The following GFRA1 variants were observed in gnomAD, a reference collection of about 807,000 sequenced individuals.
GFRA1 encodes GDNF family receptor alpha-1.
GFRA1 carries 16 observed loss-of-function variants against 51.6 expected under a neutral mutation model. The observed-to-expected ratio is 0.31, with a 90% CI of 0.21 to 0.47. The LOEUF (loss-of-function observed/expected upper bound fraction) is 0.47. Ranked by LOEUF, GFRA1 falls within the 20% of genes least tolerant of loss-of-function variation. The pLI, the probability that GFRA1 is intolerant of heterozygous loss-of-function variation, is 1.00. For synonymous variants in GFRA1, 270 were observed against 241.3 expected (o/e 1.12, Z -1.10); for missense variants, 530 against 594.3 (o/e 0.89, Z 1.13).
At chr10:116,262,930 T>C (rs1013724936) in intron 4 of GFRA1, among the ~76,000 whole-genome samples, 7 of 152,094 alleles carry the variant, frequency 4.6e-5, no homozygotes, top group Non-Finnish European at 7.3e-5. Flanking sequence ...CAAGAATCCT[T>C]AAGCACAGGA....
intron 5 of GFRA1, among the ~76,000 whole-genome samples, chr10:116,172,545 G>A (rs1961135368): frequency 6.6e-6 from 1 of 152,170 alleles, no homozygotes. Context: ...CGGCACTTGA[G>A]TCCCTTCTTG....
At position 116,065,560 on chromosome 10, in the gene GFRA1, G is replaced by C. The variant is rs758060117; in HGVS notation, c.1251+13C>G. 4 of 1,608,010 alleles carry C rather than the reference G, an allele frequency of 2.5e-6. No homozygotes were observed. Among genetic ancestry groups the C allele is most frequent in the Non-Finnish European group, 3.4e-6 (4 of 1,174,554 alleles). On this transcript the variant is annotated intron_variant, in intron 10 of 10. Coordinates refer to ENST00000355422, the MANE Select transcript of GFRA1 (RefSeq NM_005264.8). ...CTATAAATGCACGAAGCCTCCAAAA[G>C]AAACATACTTACATTGGAAATACAG...
chr10:116,109,898 C>T (rs908465501), intron 6 of GFRA1, among the ~76,000 whole-genome samples: 3 of 152,142 alleles, frequency 2.0e-5, no homozygotes, highest in Admixed American at 2.0e-4. Context: ...CTCAGTCTCC[C>T]CCTGTATAAA....
intron 4 of GFRA1, among the ~76,000 whole-genome samples, chr10:116,246,404 C>G (rs1024392780): frequency 2.0e-5 from 3 of 152,142 alleles, no homozygotes; most frequent in African/African-American, 7.2e-5. Context: ...GCACTCCAGC[C>G]TGGGCAACAA....
chr10:116,226,841 A>G, intron 4 of GFRA1: 1 of 343,876 alleles, frequency 2.9e-6, no homozygotes, highest in South Asian at 2.4e-5. Context: ...CAGGTATTAG[A>G]TTCTCATAAG....
intron 5 of GFRA1, among the ~76,000 whole-genome samples, chr10:116,195,664 G>C (rs1441614114): frequency 1.3e-5 from 2 of 152,176 alleles, no homozygotes; most frequent in African/African-American, 2.4e-5. Flanking sequence ...ACCAGTACCA[G>C]TCCATGGCCC....
chr10:116,085,882 C>A (rs1211905116), intron 9 of GFRA1, among the ~76,000 whole-genome samples: 1 of 152,210 alleles, frequency 6.6e-6, no homozygotes. Context: ...TTATTTGCAT[C>A]AGTGAACCTC....
At chr10:116,182,992 G>C (rs966035971) in intron 5 of GFRA1, among the ~76,000 whole-genome samples, 15 of 152,194 alleles carry the variant, frequency 9.9e-5, no homozygotes, top group Admixed American at 8.5e-4. Context: ...TGGAATCAAG[G>C]CTACCCAAGG....
chr10:116,212,500 A>C (rs1450395566), intron 4 of GFRA1, among the ~76,000 whole-genome samples: 1 of 150,550 alleles, frequency 6.6e-6, no homozygotes, highest in Non-Finnish European at 1.5e-5. Flanking sequence ...AGCCTGGGCA[A>C]CAAGAGCAAA....
intron 6 of GFRA1, 131 bp downstream of exon 6, chr10:116,125,090 A>G (rs1565593147): frequency 1.2e-6 from 1 of 804,030 alleles, no homozygotes; most frequent in South Asian, 1.5e-5. Context: ...TTGCCAATCC[A>G]TTCAAATGGA....
chr10:116,120,225 T>C (rs1957587464), intron 6 of GFRA1, among the ~76,000 whole-genome samples: 1 of 152,180 alleles, frequency 6.6e-6, no homozygotes, highest in Non-Finnish European at 1.5e-5. Flanking sequence ...AATTTCCTTT[T>C]GAGGTTCAGC....
chr10:116,069,042 C>A (rs1042771213), intron 9 of GFRA1, among the ~76,000 whole-genome samples: 8 of 152,138 alleles, frequency 5.3e-5, no homozygotes, highest in African/African-American at 1.9e-4. Flanking sequence ...GAAGGGCTGG[C>A]ACAGTGTTCA....
intron 4 of GFRA1, among the ~76,000 whole-genome samples, chr10:116,215,023 T>C (rs558238591): frequency 1.3e-5 from 2 of 152,364 alleles, no homozygotes; most frequent in South Asian, 4.1e-4. Flanking sequence ...TAAATTTTAA[T>C]AAATACTAGT....
At chr10:116,190,910 T>C (rs2134321965) in intron 5 of GFRA1, among the ~76,000 whole-genome samples, 1 of 152,346 alleles carries the variant, frequency 6.6e-6, no homozygotes, top group East Asian at 1.9e-4. Flanking sequence ...ACTTTCAATG[T>C]GCTTGGCTAC....
chr10:116,187,342 CTG>C (rs1352521749), intron 5 of GFRA1, among the ~76,000 whole-genome samples: 1 of 152,190 alleles, frequency 6.6e-6, no homozygotes, highest in African/African-American at 2.4e-5. Context: ...CTGCAGGACC[CTG>C]TGTGGCCCCT....
At chr10:116,268,791 C>T (rs1393605162) in intron 4 of GFRA1, among the ~76,000 whole-genome samples, 1 of 152,114 alleles carries the variant, frequency 6.6e-6, no homozygotes, top group Non-Finnish European at 1.5e-5. Context: ...TAAATTACTG[C>T]CTTGCTTATT....
chr10:116,246,583 T>C (rs1967883527), intron 4 of GFRA1, among the ~76,000 whole-genome samples: 1 of 152,226 alleles, frequency 6.6e-6, no homozygotes, highest in Non-Finnish European at 1.5e-5. Context: ...AGACAGTGAT[T>C]ACTGTCCCTA....
chr10:116,238,669 A>G (rs112446786), intron 4 of GFRA1, among the ~76,000 whole-genome samples: 11 of 152,370 alleles, frequency 7.2e-5, no homozygotes, highest in African/African-American at 2.6e-4. Context: ...TGAAGGAATA[A>G]TGTCCTCTGC....
chr10:116,121,853 G>A (rs1269162252), intron 6 of GFRA1, among the ~76,000 whole-genome samples: 2 of 152,202 alleles, frequency 1.3e-5, no homozygotes, highest in African/African-American at 2.4e-5. Context: ...AGTACCAGCT[G>A]CTACTCTGGG....
Sources: allele counts gnomAD v4.1 joint callset (sites outside exome capture counted in the v4.1 genomes callset), GRCh38; gene constraint gnomAD v4.1.1; transcripts MANE v1.5; gene names NCBI Gene and HGNC (gene_info 2026-07-23, HGNC 2026-07-21).